The following TTC28 variants were observed in gnomAD, a reference collection of about 807,000 sequenced individuals.
TTC28 encodes tetratricopeptide repeat protein 28.
Under a neutral mutation model 198.0 loss-of-function variants are expected in TTC28, and 61 were observed. The observed-to-expected ratio is 0.31, with a 90% CI of 0.25 to 0.38. TTC28 has a LOEUF of 0.38. TTC28 is among the 10% of genes least tolerant of loss of function. The pLI, the probability that TTC28 is intolerant of heterozygous loss-of-function variation, is 1.00. For missense variants in TTC28, 2,678 were observed against 3,164.0 expected, an observed-to-expected ratio of 0.85 and a Z score of 3.69; for synonymous variants, 1,171 against 1,297.8, an observed-to-expected ratio of 0.90 and a Z score of 2.10.
chr22:28,203,823 C>T (rs1926174252), intron 5 of TTC28, among the ~76,000 whole-genome samples: 1 of 152,034 alleles, frequency 6.6e-6, no homozygotes, highest in South Asian at 2.1e-4. Context: ...GGAATGACAC[C>T]AGCAGAAGCA....
At chr22:28,263,439 T>C (rs545684811) in intron 5 of TTC28, among the ~76,000 whole-genome samples, 1 of 152,178 alleles carries the variant, frequency 6.6e-6, no homozygotes, top group South Asian at 2.1e-4. Context: ...CAAAAAGGAA[T>C]AGCAGGCAAA....
chr22:28,245,404 G>C (rs959365401), intron 5 of TTC28, among the ~76,000 whole-genome samples: 1 of 151,980 alleles, frequency 6.6e-6, no homozygotes, highest in Non-Finnish European at 1.5e-5. Flanking sequence ...TCATCCTTAG[G>C]CCAATTCTGT....
Position 27,982,905 on chromosome 22 carries a change from G to T in TTC28, c.6762C>A (p.Thr2254=), listed in dbSNP as rs773254804. The change falls in exon 23 of 23, where the codon ACC becomes ACA. Residue 2254 remains threonine, a synonymous_variant. Coordinates refer to ENST00000397906, the MANE Select transcript of TTC28 (RefSeq NM_001145418.2). The surrounding 1 kb of genome is among the most constrained non-coding windows in gnomAD (Gnocchi z 5.2). ...GGCTGTCTTTGATGGACATCTCTGA[G>T]GTGGTGGGGCTGCTATATCCGGAAC... The part of the protein sequence containing the change: ...KVSSGYSSPT[T]SEMSIKDSPS... 1 of 1,551,662 alleles carries T rather than the reference G, an allele frequency of 6.4e-7. No individual in the cohort carries two copies. The highest frequency in any genetic ancestry group is 1.2e-5 in the South Asian group (1 of 84,052).
chr22:28,099,055 G>T lies in TTC28; in HGVS notation c.3418-11C>A. On this transcript the variant is annotated splice_polypyrimidine_tract_variant and intron_variant, in intron 9 of 22. Transcript: ENST00000397906. ...TGATGCCCTATAAAGCTGCAAGGAG[G>T]GAGGAAGAACATCATCCATTCCCCA... is the stretch of plus-strand genomic sequence containing the variant. The T allele has an allele frequency of 3.9e-6, 6 of 1,551,830 alleles. No homozygotes were observed. In the South Asian group the frequency reaches 7.1e-5, roughly 18 times the overall value.
chr22:28,341,817 AT>A (rs970705819), intron 2 of TTC28, among the ~76,000 whole-genome samples: 2 of 152,028 alleles, frequency 1.3e-5, no homozygotes. Flanking sequence ...AAATAAAAAA[AT>A]AAAAATAAAA....
At chr22:28,388,781 C>A (rs1001425244) in intron 2 of TTC28, among the ~76,000 whole-genome samples, 5 of 152,222 alleles carry the variant, frequency 3.3e-5, no homozygotes, top group Non-Finnish European at 7.3e-5. Context: ...ATCATGTCAT[C>A]TGCAAACAGG....
chr22:28,125,010 C>T (rs747158912), intron 6 of TTC28, among the ~76,000 whole-genome samples: 6 of 152,212 alleles, frequency 3.9e-5, no homozygotes, highest in Non-Finnish European at 7.3e-5. Context: ...AAACTGAATA[C>T]ATTGCATACC....
At chr22:28,069,840 A>C (rs1228324934) in intron 12 of TTC28, among the ~76,000 whole-genome samples, 9 of 152,000 alleles carry the variant, frequency 5.9e-5, no homozygotes, top group Non-Finnish European at 1.3e-4. Context: ...GATTTAAAGC[A>C]CAACACTGAA....
chr22:28,269,898 T>C (rs1350095333), intron 5 of TTC28, among the ~76,000 whole-genome samples: 4 of 152,104 alleles, frequency 2.6e-5, no homozygotes, highest in African/African-American at 7.2e-5. Flanking sequence ...AAGCACAAGA[T>C]AGAACACAAG....
chr22:28,299,843 A>G (rs2044981937), intron 3 of TTC28, among the ~76,000 whole-genome samples: 1 of 152,216 alleles, frequency 6.6e-6, no homozygotes, highest in Admixed American at 6.5e-5. Flanking sequence ...AGGTTCTATG[A>G]CATCACACCA....
At chr22:28,570,321 G>A (rs1226264257) in intron 2 of TTC28, among the ~76,000 whole-genome samples, 3 of 152,120 alleles carry the variant, frequency 2.0e-5, no homozygotes, top group Non-Finnish European at 2.9e-5. Flanking sequence ...GCCCATCAAT[G>A]GTGGACAAGA....
rs765106778 is a variant in TTC28 at position 28,215,622 on chromosome 22, A to ATG, written c.934-52025_934-52024dup. On this transcript the variant is annotated intron_variant, in intron 5 of 22. Coordinates refer to ENST00000397906, the MANE Select transcript of TTC28 (RefSeq NM_001145418.2). ...GCATGCACACATGGTGTGTGTGTGT[A>ATG]TGTGTGTGTGTGTGTATGTGTAAGA... Among the ~76,000 whole-genome samples, 329 of 150,944 alleles carry ATG rather than the reference A, an allele frequency of 2.2e-3. 1 individual carries two copies. The highest frequency in any genetic ancestry group is 6.6e-3 in the African/African-American group (271 of 41,276).
chr22:28,556,776 G>A (rs5997375), intron 2 of TTC28, among the ~76,000 whole-genome samples: 1 of 152,186 alleles, frequency 6.6e-6, no homozygotes, highest in African/African-American at 2.4e-5. Context: ...CTGAAGGGCT[G>A]GCCAGGGCAG....
At chr22:28,397,490 C>T (rs994567519) in intron 2 of TTC28, among the ~76,000 whole-genome samples, 4 of 152,142 alleles carry the variant, frequency 2.6e-5, no homozygotes, top group Non-Finnish European at 5.9e-5. Context: ...CATGAGACAG[C>T]ACAGGCAGAG....
intron 5 of TTC28, among the ~76,000 whole-genome samples, chr22:28,199,884 G>A (rs935803715): frequency 3.9e-5 from 6 of 151,914 alleles, no homozygotes; most frequent in Admixed American, 1.3e-4. Flanking sequence ...GTAAAGTTTT[G>A]AAAACTTACC....
rs530005643 is a variant in TTC28 at position 28,647,189 on chromosome 22, G to A, written c.103-17359C>T. Among the ~76,000 whole-genome samples, 4 of 152,268 alleles carry A rather than the reference G, an allele frequency of 2.6e-5. No individual in the cohort carries two copies. The South Asian group carries it at 8.3e-4, about 32-fold the overall frequency. ...GAAGACTGAATAGCCACATGTAGAG[G>A]AGTGAAGCTGGATTCCCTGTCTTTC... On this transcript the variant is annotated intron_variant, in intron 1 of 22. Coordinates refer to ENST00000397906, the MANE Select transcript of TTC28 (RefSeq NM_001145418.2).
At chr22:28,487,935 A>G (rs1371524857) in intron 2 of TTC28, among the ~76,000 whole-genome samples, 2 of 152,298 alleles carry the variant, frequency 1.3e-5, no homozygotes, top group East Asian at 1.9e-4. Flanking sequence ...ATTTTGCAAC[A>G]TATTTTTTCC....
At chr22:28,566,436 T>C (rs1319704971) in intron 2 of TTC28, among the ~76,000 whole-genome samples, 1 of 152,188 alleles carries the variant, frequency 6.6e-6, no homozygotes, top group East Asian at 1.9e-4. Context: ...AAATTTAAGC[T>C]AATACCTTAA....
At chr22:28,217,008 C>T (rs1927458541) in intron 5 of TTC28, among the ~76,000 whole-genome samples, 1 of 152,138 alleles carries the variant, frequency 6.6e-6, no homozygotes, top group Non-Finnish European at 1.5e-5. Flanking sequence ...TGAGCCACCG[C>T]ACCCAGTCTT....
Sources: allele counts gnomAD v4.1 joint callset (sites outside exome capture counted in the v4.1 genomes callset), GRCh38; gene constraint gnomAD v4.1.1; non-coding constraint Gnocchi (gnomAD v3.1); transcripts MANE v1.5; gene names NCBI Gene and HGNC (gene_info 2026-07-23, HGNC 2026-07-21).